The following GPC6 variants were observed in gnomAD, a reference collection of about 807,000 sequenced individuals.
GPC6 encodes the protein glypican-6.
Under a neutral mutation model 55.2 loss-of-function variants are expected in GPC6, and 14 were observed. The observed-to-expected ratio is 0.25, with a 90% CI of 0.17 to 0.40. The LOEUF is 0.40. GPC6 is among the 10% of genes least tolerant of loss of function. The pLI, the probability that GPC6 is intolerant of heterozygous loss-of-function variation, is 1.00. For synonymous variants in GPC6, 278 were observed against 259.6 expected (o/e 1.07, Z -0.68); for missense variants, 641 against 708.5 (o/e 0.90, Z 1.08).
chr13:93,503,636 G>A (rs941657974), intron 1 of GPC6, among the ~76,000 whole-genome samples: 7 of 151,996 alleles, frequency 4.6e-5, no homozygotes, highest in South Asian at 2.1e-4. Context: ...TGTGTATATC[G>A]GAATCTACTA....
intron 1 of GPC6, among the ~76,000 whole-genome samples, chr13:93,255,904 T>C (rs1375895102): frequency 6.6e-6 from 1 of 152,104 alleles, no homozygotes; most frequent in East Asian, 1.9e-4. Context: ...GAGGCCAAAG[T>C]TGATGGATTA....
At chr13:93,903,905 C>G (rs74111048) in intron 3 of GPC6, among the ~76,000 whole-genome samples, 399 of 152,042 alleles carry the variant, frequency 2.6e-3, no homozygotes, top group African/African-American at 9.1e-3. Flanking sequence ...TGTTGTCTTT[C>G]CCTGTGTGTA....
chr13:93,467,996 A>G (rs1878976770), intron 1 of GPC6, among the ~76,000 whole-genome samples: 1 of 152,144 alleles, frequency 6.6e-6, no homozygotes, highest in African/African-American at 2.4e-5. Context: ...ACTCTTGGGT[A>G]GAGTCCTAGC....
At chr13:94,142,665 C>G (rs1340278838) in intron 4 of GPC6, among the ~76,000 whole-genome samples, 2 of 151,992 alleles carry the variant, frequency 1.3e-5, no homozygotes, top group Non-Finnish European at 2.9e-5. Flanking sequence ...CGGGTGTTGT[C>G]TTGCTTTTCC....
intron 4 of GPC6, among the ~76,000 whole-genome samples, chr13:94,082,546 G>A (rs1380131027): frequency 6.6e-6 from 1 of 152,120 alleles, no homozygotes; most frequent in African/African-American, 2.4e-5. Context: ...TTCAGATAGT[G>A]ACATCTCAAG....
At chr13:94,088,257 A>C (rs1885358302) in intron 4 of GPC6, among the ~76,000 whole-genome samples, 1 of 152,224 alleles carries the variant, frequency 6.6e-6, no homozygotes, top group African/African-American at 2.4e-5. Flanking sequence ...TACATAATTC[A>C]GAGCCTGATA....
In GPC6 at chr13:93,730,231, C is replaced by T. The variant is rs912969244; in HGVS notation, c.320-99923C>T. Reference sequence around the variant, plus strand: ...TTCTCTCCCAAAACTCCTACCAGGTCCTCTCCTATACCAGACACTCATCAA... The same window carrying T: ...TTCTCTCCCAAAACTCCTACCAGGTTCTCTCCTATACCAGACACTCATCAA... On this transcript the variant is annotated intron_variant, in intron 2 of 8. Transcript: ENST00000377047. 3.9e-5 allele frequency among the ~76,000 whole-genome samples: 6 copies of T among 152,156 alleles called. No individual in the cohort carries two copies. In the East Asian group the frequency reaches 1.2e-3, roughly 29 times the overall value.
intron 2 of GPC6, among the ~76,000 whole-genome samples, chr13:93,685,402 A>G (rs1486217224): frequency 6.6e-6 from 1 of 152,218 alleles, no homozygotes; most frequent in African/African-American, 2.4e-5. Context: ...TGATCAAGGT[A>G]GAGACATTTC....
intron 2 of GPC6, among the ~76,000 whole-genome samples, chr13:93,590,431 A>G (rs1295329659): frequency 1.3e-5 from 2 of 152,178 alleles, no homozygotes; most frequent in East Asian, 1.9e-4. Flanking sequence ...TTAAAGAAGT[A>G]TAACTACAAA....
chr13:94,009,672 C>A (rs913075095), intron 3 of GPC6, among the ~76,000 whole-genome samples: 2 of 152,098 alleles, frequency 1.3e-5, no homozygotes, highest in African/African-American at 4.8e-5. Flanking sequence ...TAGGCCATGG[C>A]CCTACATAAT....
chr13:94,169,597 A>G (rs369476475), intron 4 of GPC6, among the ~76,000 whole-genome samples: 11 of 151,190 alleles, frequency 7.3e-5, no homozygotes, highest in African/African-American at 2.7e-4. Flanking sequence ...TGCAAAGAGC[A>G]TAGAGATGTG....
At chr13:93,504,601 A>G in intron 1 of GPC6, among the ~76,000 whole-genome samples, 1 of 149,832 alleles carries the variant, frequency 6.7e-6, no homozygotes, top group East Asian at 2.0e-4. Flanking sequence ...CAGTAAAGGT[A>G]CTTTATTAGT....
At chr13:93,738,936 T>TACACACACACACAC (rs56928879) in intron 2 of GPC6, among the ~76,000 whole-genome samples, 60 of 145,574 alleles carry the variant, frequency 4.1e-4, no homozygotes, top group African/African-American at 1.4e-3. Flanking sequence ...CACTTGGTTT[T>TACACACACACACAC]ACACACACAC....
At chr13:94,370,112 A>G (rs1460261655) in intron 6 of GPC6, among the ~76,000 whole-genome samples, 1 of 152,238 alleles carries the variant, frequency 6.6e-6, no homozygotes, top group African/African-American at 2.4e-5. Context: ...GCTAAAAGCC[A>G]TGGCTTCTAC....
chr13:93,512,869 C>G (rs1034210144), intron 1 of GPC6, among the ~76,000 whole-genome samples: 5 of 152,014 alleles, frequency 3.3e-5, no homozygotes, highest in African/African-American at 7.2e-5. Context: ...AAGCAGATAA[C>G]TATAATATCA....
chr13:94,023,305 G>GT (rs1182821705), intron 3 of GPC6, among the ~76,000 whole-genome samples: 158 of 144,076 alleles, frequency 1.1e-3, no homozygotes, highest in African/African-American at 1.2e-3. Context: ...ATTTTTCAGA[G>GT]TTTTTTTTTT....
intron 1 of GPC6, among the ~76,000 whole-genome samples, chr13:93,503,750 T>C (rs1030882408): frequency 6.6e-6 from 1 of 152,146 alleles, no homozygotes; most frequent in Non-Finnish European, 1.5e-5. Context: ...ACGGAAGCTG[T>C]CATCTCTATC....
At chr13:93,960,196 T>C (rs1474032592) in intron 3 of GPC6, among the ~76,000 whole-genome samples, 1 of 152,234 alleles carries the variant, frequency 6.6e-6, no homozygotes, top group African/African-American at 2.4e-5. Context: ...CTAGTCTTTC[T>C]AGAGAAGAAC....
chr13:93,467,349 T>C (rs1878943493), intron 1 of GPC6, among the ~76,000 whole-genome samples: 2 of 152,152 alleles, frequency 1.3e-5, no homozygotes, highest in African/African-American at 4.8e-5. Context: ...TTCCTGAGTA[T>C]GGTGACTTAC....
Sources: gnomAD v4.1 joint callset for allele counts (sites outside exome capture counted in the v4.1 genomes callset) on GRCh38, gnomAD v4.1.1 for gene constraint, MANE v1.5 for transcripts, NCBI Gene and HGNC (gene_info 2026-07-23, HGNC 2026-07-21) for gene names.